Variants in CYRIB observed in about 807,000 individuals in gnomAD.
CYRIB encodes CYFIP related Rac1 interactor B.
A neutral mutation model predicts 44.2 loss-of-function variants in CYRIB; 8 were observed. The observed-to-expected ratio is 0.18, with a 90% CI of 0.11 to 0.33. The LOEUF (loss-of-function observed/expected upper bound fraction) is 0.33. Ranked by LOEUF, CYRIB falls within the 10% of genes least tolerant of loss-of-function variation. The pLI is 1.00. For synonymous variants in CYRIB, 131 were observed against 127.2 expected, an observed-to-expected ratio of 1.03 and a Z score of -0.20; for missense variants, 185 against 382.8, an observed-to-expected ratio of 0.48 and a Z score of 4.31.
intron 1 of CYRIB, among the ~76,000 whole-genome samples, chr8:130,007,465 A>G (rs1266286758): frequency 2.6e-5 from 4 of 152,230 alleles, no homozygotes; most frequent in African/African-American, 9.7e-5. Context: ...CAGAGTTACC[A>G]TGAAAGTAAG....
chr8:129,896,891 T>C (rs1389988905), intron 2 of CYRIB: 1 of 152,232 alleles, frequency 6.6e-6, no homozygotes, highest in Non-Finnish European at 1.5e-5. Flanking sequence ...ATTTGGCATA[T>C]AGAAGTAAAG....
chr8:129,893,370 G>A (rs896606321), intron 2 of CYRIB, among the ~76,000 whole-genome samples: 1 of 152,080 alleles, frequency 6.6e-6, no homozygotes, highest in Non-Finnish European at 1.5e-5. Flanking sequence ...AAGCAAGTGT[G>A]GGTATGCTTT....
At chr8:129,956,140 G>A (rs1238889807) in intron 2 of CYRIB, among the ~76,000 whole-genome samples, 1 of 152,150 alleles carries the variant, frequency 6.6e-6, no homozygotes, top group Non-Finnish European at 1.5e-5. Context: ...CTGTCTCGTG[G>A]AGCGCAGTGA....
At position 129,924,910 on chromosome 8, in the gene CYRIB, C is replaced by T. The variant is rs1477210597; in HGVS notation, c.-50+14698G>A. 2.0e-5 allele frequency among the ~76,000 whole-genome samples: 3 copies of T among 152,166 alleles called. 1 individual carries two copies. Among genetic ancestry groups the T allele is most frequent in the South Asian group, 4.1e-4 (2 of 4,826 alleles). ...GGAGGATCACTCAGGCCTTGGAAGT[C>T]GAGGCTGCAGTGACTGAAAGATCTT... On this transcript the variant is annotated intron_variant, in intron 1 of 11. Transcript: ENST00000519824.
chr8:129,961,138 G>A (rs1045060672), intron 2 of CYRIB, among the ~76,000 whole-genome samples: 10 of 151,986 alleles, frequency 6.6e-5, no homozygotes, highest in African/African-American at 1.7e-4. Context: ...AATAAGCCTC[G>A]GCTTCTTCCC....
rs201867235 is a variant in CYRIB at position 129,979,957 on chromosome 8, C to T, written c.-295-8962G>A. On this transcript the variant is annotated intron_variant, in intron 1 of 14. Coordinates refer to the CYRIB transcript ENST00000401979. ...ATAAAATAAAATAATTATCATTTCC[C>T]TTTAAACTCATAAACCCTTAAACAT... is the stretch of plus-strand genomic sequence containing the variant. Among the ~76,000 whole-genome samples, 81 of 151,920 alleles carry T rather than the reference C, an allele frequency of 5.3e-4. No individual in the cohort carries two copies. In the East Asian group the frequency reaches 7.1e-3, roughly 13 times the overall value.
intron 1 of CYRIB, among the ~76,000 whole-genome samples, chr8:129,921,016 A>G (rs1047441993): frequency 6.6e-5 from 10 of 152,236 alleles, no homozygotes; most frequent in Non-Finnish European, 1.5e-4. Context: ...AAAATGGAGA[A>G]AAATGTTGAT....
intron 2 of CYRIB, among the ~76,000 whole-genome samples, chr8:129,956,602 T>C (rs1174762089): frequency 6.6e-6 from 1 of 152,050 alleles, no homozygotes; most frequent in Non-Finnish European, 1.5e-5. Flanking sequence ...ATGACAGTAG[T>C]GGTTATATCA....
intron 1 of CYRIB, among the ~76,000 whole-genome samples, chr8:129,932,158 C>A (rs1034737820): frequency 1.1e-4 from 16 of 151,846 alleles, no homozygotes; most frequent in Non-Finnish European, 2.2e-4. Flanking sequence ...ACCACTTCGC[C>A]CAGCTAATTT....
chr8:129,846,777 T>C (rs1219739857), intron 11 of CYRIB, 27 bp downstream of exon 13: 2 of 1,514,406 alleles, frequency 1.3e-6, no homozygotes, highest in Non-Finnish European at 1.8e-6. Context: ...ATTTTTTCTG[T>C]ACATACGTAC....
chr8:129,965,862 A>G (rs2095459753), intron 2 of CYRIB, among the ~76,000 whole-genome samples: 1 of 151,042 alleles, frequency 6.6e-6, no homozygotes, highest in Admixed American at 6.6e-5. Flanking sequence ...TTGTTTGTTC[A>G]TTTTTTGAGG....
intron 2 of CYRIB, among the ~76,000 whole-genome samples, chr8:129,957,742 G>A (rs951951685): frequency 2.0e-5 from 3 of 151,828 alleles, no homozygotes; most frequent in Non-Finnish European, 4.4e-5. Context: ...GAAGCAGGTG[G>A]ATCATGAGGT....
chr8:129,935,760 T>C (rs2092691500), intron 1 of CYRIB, among the ~76,000 whole-genome samples: 1 of 152,242 alleles, frequency 6.6e-6, no homozygotes, highest in African/African-American at 2.4e-5. Context: ...AGTACCTTAA[T>C]GTTGATGATC....
intron 1 of CYRIB, among the ~76,000 whole-genome samples, chr8:129,976,131 G>A (rs913574910): frequency 6.6e-6 from 1 of 151,860 alleles, no homozygotes; most frequent in Non-Finnish European, 1.5e-5. Context: ...CCCCTCAGTG[G>A]ATTCATCTTG....
chr8:130,002,404 T>C (rs2133943625), intron 1 of CYRIB, among the ~76,000 whole-genome samples: 1 of 151,930 alleles, frequency 6.6e-6, no homozygotes, highest in Middle Eastern at 3.4e-3. Flanking sequence ...GAGGCTGCAG[T>C]GAGCTGTGAT....
intron 2 of CYRIB, among the ~76,000 whole-genome samples, chr8:129,950,822 T>C (rs2094464251): frequency 1.3e-5 from 2 of 152,308 alleles, no homozygotes; most frequent in South Asian, 4.1e-4. Flanking sequence ...GGAAAGGGCA[T>C]AGTAGGATTC....
intron 6 of CYRIB, among the ~76,000 whole-genome samples, chr8:129,855,094 G>GA (rs921810754): frequency 1.4e-4 from 22 of 152,136 alleles, no homozygotes; most frequent in African/African-American, 5.1e-4. Context: ...AAAAGTATTA[G>GA]AAAAAAAGCT....
At chr8:129,917,270 T>G (rs2081226753) in intron 1 of CYRIB, among the ~76,000 whole-genome samples, 1 of 152,196 alleles carries the variant, frequency 6.6e-6, no homozygotes, top group Admixed American at 6.5e-5. Flanking sequence ...ACCTGTACTG[T>G]AAGACCTGAA....
chr8:129,921,105 A>G (rs1227822705), intron 1 of CYRIB, among the ~76,000 whole-genome samples: 4 of 152,342 alleles, frequency 2.6e-5, no homozygotes, highest in African/African-American at 7.2e-5. Context: ...CATTTCTTTC[A>G]GCCTTCTTCC....
Sources: gnomAD v4.1 joint callset for allele counts (sites outside exome capture counted in the v4.1 genomes callset) on GRCh38, gnomAD v4.1.1 for gene constraint, MANE v1.5 for transcripts, NCBI Gene and HGNC (gene_info 2026-07-23, HGNC 2026-07-21) for gene names.